PSD3: variants seen among roughly 807,000 people sequenced by gnomAD.
PSD3 encodes PH and SEC7 domain-containing protein 3.
Under a neutral mutation model 105.5 loss-of-function variants are expected in PSD3, and 49 were observed. The ratio of observed to expected loss-of-function variants is 0.46; its 90% CI spans 0.37 to 0.59. The LOEUF is 0.59. Ranked by LOEUF, PSD3 falls within the 20% of genes least tolerant of loss-of-function variation. PSD3 has a pLI of 0.00. For missense variants in PSD3, 1,561 were observed against 1,263.8 expected (o/e 1.24, Z -3.57); for synonymous variants, 557 against 457.8 (o/e 1.22, Z -2.77).
intron 2 of PSD3, among the ~76,000 whole-genome samples, chr8:18,892,316 T>G (rs1447452312): frequency 6.6e-6 from 1 of 151,502 alleles, no homozygotes; most frequent in Non-Finnish European, 1.5e-5. Flanking sequence ...CTCTGCCTCC[T>G]GGGTTCATGC....
At position 19,049,892 on chromosome 8, in the gene PSD3, A is replaced by T. The variant is rs555487238; in HGVS notation, c.324+34314T>A. On this transcript the variant is annotated intron_variant, in intron 1 of 1. Coordinates refer to the PSD3 transcript ENST00000521475. ...ATCCCATCCCTGCCACTTACAGTGT[A>T]ACCTGTTAACTGACAAACCCATTAA... Among the ~76,000 whole-genome samples the T allele has an allele frequency of 8.4e-4, 128 of 152,236 alleles. 1 individual carries two copies. Among genetic ancestry groups the T allele is most frequent in the African/African-American group, 2.9e-3 (122 of 41,536 alleles).
At chr8:19,060,637 C>CAAA (rs1828865285) in intron 1 of PSD3, among the ~76,000 whole-genome samples, 1 of 152,064 alleles carries the variant, frequency 6.6e-6, no homozygotes, top group Admixed American at 6.6e-5. Context: ...CCATCTCAAA[C>CAAA]AACAACAACA....
At chr8:18,874,257 G>A (rs111707605) in intron 2 of PSD3, among the ~76,000 whole-genome samples, 6 of 151,890 alleles carry the variant, frequency 4.0e-5, no homozygotes, top group Non-Finnish European at 8.8e-5. Context: ...TACCTCCCGG[G>A]TTCAAGTGAT....
At chr8:18,786,566 C>T (rs1300547177) in intron 8 of PSD3, among the ~76,000 whole-genome samples, 1 of 152,130 alleles carries the variant, frequency 6.6e-6, no homozygotes, top group East Asian at 1.9e-4. Context: ...GACTTTGAAA[C>T]AGCCATTAGG....
At chr8:18,843,110 G>C (rs991319330) in intron 4 of PSD3, among the ~76,000 whole-genome samples, 6 of 152,064 alleles carry the variant, frequency 3.9e-5, no homozygotes, top group Admixed American at 6.5e-5. Context: ...AAGAGTTATT[G>C]CTCTCTTTGG....
intron 2 of PSD3, among the ~76,000 whole-genome samples, chr8:18,876,177 T>A (rs1415820008): frequency 6.6e-6 from 1 of 152,112 alleles, no homozygotes; most frequent in Non-Finnish European, 1.5e-5. Context: ...ACCTCCCAGT[T>A]CAGCCTCCCA....
chr8:18,871,368 A>G (rs1317581511), intron 3 of PSD3, among the ~76,000 whole-genome samples: 3 of 152,222 alleles, frequency 2.0e-5, no homozygotes, highest in Non-Finnish European at 2.9e-5. Context: ...TTCACAGTTT[A>G]GTGTTCACAG....
At chr8:18,566,437 A>C (rs1362500456) in intron 14 of PSD3, among the ~76,000 whole-genome samples, 2 of 151,598 alleles carry the variant, frequency 1.3e-5, no homozygotes, top group Non-Finnish European at 2.9e-5. Context: ...GAGGCAGGAG[A>C]ATGGCATGAA....
intron 1 of PSD3, among the ~76,000 whole-genome samples, chr8:19,022,203 G>C (rs1450111886): frequency 6.6e-6 from 1 of 152,148 alleles, no homozygotes; most frequent in Non-Finnish European, 1.5e-5. Context: ...TGAGGGATCT[G>C]TCCCCATGAT....
intron 1 of PSD3, among the ~76,000 whole-genome samples, chr8:19,039,013 C>G (rs1416616155): frequency 6.6e-6 from 1 of 152,176 alleles, no homozygotes; most frequent in Non-Finnish European, 1.5e-5. Flanking sequence ...CTCTTAACCA[C>G]TAAGCCCCCT....
chr8:18,798,921 A>G (rs1347278785), intron 8 of PSD3, among the ~76,000 whole-genome samples: 1 of 152,186 alleles, frequency 6.6e-6, no homozygotes, highest in African/African-American at 2.4e-5. Context: ...TATGGTATGT[A>G]GGGAAAACAC....
At chr8:19,053,133 A>T (rs334212) in intron 1 of PSD3, among the ~76,000 whole-genome samples, 1 of 152,088 alleles carries the variant, frequency 6.6e-6, no homozygotes, top group African/African-American at 2.4e-5. Context: ...ACAGTGGTTC[A>T]CTATAAATTC....
At chr8:18,992,210 G>C (rs1825842918) in intron 1 of PSD3, among the ~76,000 whole-genome samples, 2 of 152,174 alleles carry the variant, frequency 1.3e-5, no homozygotes, top group African/African-American at 4.8e-5. Flanking sequence ...AATCCCAATT[G>C]TGTGCTGAGA....
chr8:19,070,677 C>CA (rs1829225229), intron 1 of PSD3, among the ~76,000 whole-genome samples: 1 of 152,030 alleles, frequency 6.6e-6, no homozygotes, highest in South Asian at 2.1e-4. Context: ...GACTCTGTCT[C>CA]AAAAAATAAG....
At chr8:19,076,677 T>C (rs1829471550) in intron 1 of PSD3, among the ~76,000 whole-genome samples, 1 of 152,172 alleles carries the variant, frequency 6.6e-6, no homozygotes, top group Non-Finnish European at 1.5e-5. Context: ...ATCCAAAATG[T>C]TGTTTTTAAA....
intron 11 of PSD3, among the ~76,000 whole-genome samples, chr8:18,619,242 A>G (rs1460007925): frequency 1.3e-5 from 2 of 151,996 alleles, no homozygotes. Context: ...CCTTATATCC[A>G]CTTCCTTTTC....
chr8:18,790,553 T>C (rs550541735), intron 8 of PSD3, among the ~76,000 whole-genome samples: 8 of 152,192 alleles, frequency 5.3e-5, no homozygotes, highest in South Asian at 2.1e-4. Flanking sequence ...CTGCCCACCT[T>C]GGCCTCCCAA....
chr8:18,550,964 C>T (rs560912026), intron 15 of PSD3, among the ~76,000 whole-genome samples: 13 of 152,288 alleles, frequency 8.5e-5, no homozygotes, highest in Non-Finnish European at 1.0e-4. Flanking sequence ...TCTTCTTTAA[C>T]TAGTTTAACA....
At chr8:19,021,033 T>C (rs1428446092) in intron 1 of PSD3, among the ~76,000 whole-genome samples, 1 of 152,094 alleles carries the variant, frequency 6.6e-6, no homozygotes. Flanking sequence ...AGATGATATT[T>C]ACATCCATGA....
Sources: allele counts gnomAD v4.1 joint callset (sites outside exome capture counted in the v4.1 genomes callset), GRCh38; gene constraint gnomAD v4.1.1; transcripts MANE v1.5; gene names NCBI Gene and HGNC (gene_info 2026-07-23, HGNC 2026-07-21).